The following FANCI variants were observed in gnomAD, a reference collection of about 807,000 sequenced individuals.
FANCI encodes the protein Fanconi anemia group I protein.
FANCI carries 156 observed loss-of-function variants against 176.1 expected under a neutral mutation model. The observed-to-expected ratio is 0.89, with a 90% CI of 0.78 to 1.01. The LOEUF (loss-of-function observed/expected upper bound fraction) is 1.01. Among genes scored for constraint, FANCI ranks in the 50% least tolerant of loss-of-function variants. The pLI, the probability that FANCI is intolerant of heterozygous loss-of-function variation, is 0.00. For synonymous variants in FANCI, 613 were observed against 541.7 expected (o/e 1.13, Z -1.83); for missense variants, 1,678 against 1,534.1 (o/e 1.09, Z -1.57).
At chr15:89,313,103 C>A in intron 35 of FANCI, 131 bp downstream of exon 35, 3 of 899,362 alleles carry the variant, frequency 3.3e-6, no homozygotes, top group South Asian at 1.4e-5. Flanking sequence ...AATAAATCAT[C>A]TAAAAAGGCA....
At chr15:89,272,404 T>C (rs1337187161) in intron 10 of FANCI, among the ~76,000 whole-genome samples, 1 of 152,152 alleles carries the variant, frequency 6.6e-6, no homozygotes, top group Non-Finnish European at 1.5e-5. Flanking sequence ...GGTATATAAT[T>C]AGCAAATATT....
At chr15:89,311,483 C>T (rs940718635) in intron 34 of FANCI, among the ~76,000 whole-genome samples, 5 of 152,162 alleles carry the variant, frequency 3.3e-5, no homozygotes, top group Admixed American at 2.6e-4. Flanking sequence ...TTGGAATGGG[C>T]AGGGAACAGG....
chr15:89,280,370 C>G (rs1012582808), intron 14 of FANCI, among the ~76,000 whole-genome samples: 1 of 152,106 alleles, frequency 6.6e-6, no homozygotes, highest in Non-Finnish European at 1.5e-5. Context: ...AAGTTGATCC[C>G]ACCCTACCTT....
At chr15:89,296,363 C>T (rs1477091909) in intron 24 of FANCI, among the ~76,000 whole-genome samples, 9 of 152,134 alleles carry the variant, frequency 5.9e-5, no homozygotes. Flanking sequence ...CCATCTCAGC[C>T]TCCCAAAGTG....
intron 24 of FANCI, among the ~76,000 whole-genome samples, chr15:89,298,439 GAAAC>G (rs1045474497): frequency 1.1e-4 from 17 of 152,242 alleles, no homozygotes; most frequent in African/African-American, 3.9e-4. Context: ...GAATAGAATG[GAAAC>G]AAACAGACAA....
At position 89,247,637 on chromosome 15, in the gene FANCI, T is replaced by C. The variant is rs2052047788; in HGVS notation, c.-11T>C. 1 of 1,612,436 alleles carries C rather than the reference T, an allele frequency of 6.2e-7. No homozygotes were observed. The highest frequency in any genetic ancestry group is 8.5e-7 in the Non-Finnish European group (1 of 1,178,494). Reference sequence around the variant, plus strand: ...ACGTTTTTCCCTTGTAGTTCTGTGATATGAGCAACAATGGACCAGAAGATT... The same window carrying C: ...ACGTTTTTCCCTTGTAGTTCTGTGACATGAGCAACAATGGACCAGAAGATT... On this transcript the variant is annotated 5_prime_UTR_variant, in exon 2 of 38. Coordinates refer to ENST00000310775, the MANE Select transcript of FANCI (RefSeq NM_001113378.2).
At chr15:89,249,777 C>G (rs990649142) in intron 2 of FANCI, among the ~76,000 whole-genome samples, 2 of 152,134 alleles carry the variant, frequency 1.3e-5, no homozygotes, top group Admixed American at 1.3e-4. Context: ...GTAGACAAAA[C>G]ATTGCTAAAG....
At chr15:89,297,302 C>A (rs2054333839) in intron 24 of FANCI, among the ~76,000 whole-genome samples, 1 of 151,810 alleles carries the variant, frequency 6.6e-6, no homozygotes, top group African/African-American at 2.4e-5. Flanking sequence ...AGGCGCTCCT[C>A]ACCTCCTAGA....
intron 27 of FANCI, among the ~76,000 whole-genome samples, chr15:89,302,794 C>T (rs192777989): frequency 8.5e-5 from 13 of 152,264 alleles, no homozygotes; most frequent in Non-Finnish European, 1.8e-4. Context: ...AGGATGATCT[C>T]GATCTCCTGA....
At chr15:89,310,985 C>T (rs1034986443) in intron 34 of FANCI, among the ~76,000 whole-genome samples, 9 of 151,902 alleles carry the variant, frequency 5.9e-5, no homozygotes, top group Non-Finnish European at 1.3e-4. Context: ...TAGCAGGGCA[C>T]GGTGGCTCAC....
intron 2 of FANCI, among the ~76,000 whole-genome samples, chr15:89,256,524 G>A (rs1567139769): frequency 6.6e-6 from 1 of 152,146 alleles, no homozygotes; most frequent in Non-Finnish European, 1.5e-5. Context: ...CCTCTCTCTC[G>A]AGATTATCCT....
intron 24 of FANCI, among the ~76,000 whole-genome samples, chr15:89,296,907 C>T (rs1392302257): frequency 3.4e-5 from 5 of 148,390 alleles, no homozygotes; most frequent in Admixed American, 1.3e-4. Flanking sequence ...GGGCGGCTGG[C>T]CGGGCGGGGG....
At chr15:89,311,126 G>T (rs910115621) in intron 34 of FANCI, among the ~76,000 whole-genome samples, 1 of 152,116 alleles carries the variant, frequency 6.6e-6, no homozygotes, top group Non-Finnish European at 1.5e-5. Flanking sequence ...GGGCATGGTG[G>T]CAGGCGCCTG....
rs771312042 is a variant in FANCI, at chr15:89,263,426, C to T, written c.511C>T (p.Gln171Ter). The T allele has an allele frequency of 2.4e-5, 38 of 1,612,272 alleles. No homozygotes were observed. Among genetic ancestry groups the T allele is most frequent in the Non-Finnish European group, 3.1e-5 (36 of 1,178,664 alleles). Residue 171 changes from glutamine to a stop codon, truncating the protein, a stop_gained, in exon 7 of 38, where the codon CAG (glutamine) becomes TAG (stop). Transcript: ENST00000310775. LOFTEE classifies it high-confidence loss of function. ...INTLCSGRWD[Q>*]QYVIQLTSMF... ...GTCATTTTCTTCTACCAGGTGGGAT[C>T]AGCAATATGTAATCCAACTCACCTC...
At chr15:89,303,815 G>A (rs2054611841) in intron 27 of FANCI, 49 bp from the exon 28 acceptor site, 2 of 1,527,436 alleles carry the variant, frequency 1.3e-6, no homozygotes, top group African/African-American at 2.7e-5. Context: ...ACAACACCTA[G>A]GTCTATCTCT....
At chr15:89,270,796 C>T (rs1325525031) in intron 10 of FANCI, among the ~76,000 whole-genome samples, 3 of 152,106 alleles carry the variant, frequency 2.0e-5, no homozygotes, top group East Asian at 3.9e-4. Context: ...TGATGTGACC[C>T]CATTTAGTCT....
At position 89,316,644 on chromosome 15, in the gene FANCI, C is replaced by A; in HGVS notation, c.*185C>A. The A allele has an allele frequency of 8.4e-7, 1 of 1,185,490 alleles. No homozygotes were observed. The highest frequency in any genetic ancestry group is 1.3e-6 in the Non-Finnish European group (1 of 794,796). 73.4% of individuals were successfully genotyped at this position (1,185,490 alleles called of 1,614,324 possible). A position where few individuals can be genotyped will look rare whatever the true frequency, so the allele number is the denominator to read the frequency against. The stretch of plus-strand genomic sequence containing the variant: ...GGTCCTGCTACTGAAAAATGGCTGG[C>A]CTTAGGCAAGCCCTTTTGCAAAAAG... On this transcript the variant is annotated 3_prime_UTR_variant, in exon 38 of 38. Transcript: ENST00000310775.
chr15:89,290,495 G>A lies in FANCI; in HGVS notation c.1890+214G>A, dbSNP rs1247429094. 4.3e-5 allele frequency: 24 copies of A among 560,382 alleles called. No individual in the cohort carries two copies. In the East Asian group the frequency reaches 6.8e-4, roughly 16 times the overall value. 34.7% of individuals were successfully genotyped at this position (560,382 alleles called of 1,614,324 possible). ...ATACCATCATCTAGCAGTTATCCTT[G>A]TGAATTAACAGTCTGTATCCTAAGT... On this transcript the variant is annotated intron_variant, in intron 19 of 37. Coordinates refer to ENST00000310775, the MANE Select transcript of FANCI (RefSeq NM_001113378.2).
At chr15:89,301,961 T>C (rs2054539097) in intron 27 of FANCI, among the ~76,000 whole-genome samples, 1 of 152,236 alleles carries the variant, frequency 6.6e-6, no homozygotes, top group African/African-American at 2.4e-5. Context: ...GTTGTATGTA[T>C]GTTTGTGTAA....
Sources: gnomAD v4.1 joint callset for allele counts (sites outside exome capture counted in the v4.1 genomes callset) on GRCh38, gnomAD v4.1.1 for gene constraint, MANE v1.5 for transcripts, NCBI Gene and HGNC (gene_info 2026-07-23, HGNC 2026-07-21) for gene names.